The following SLC4A4 variants were observed in gnomAD, a reference collection of about 807,000 sequenced individuals.
SLC4A4 encodes the protein electrogenic sodium bicarbonate cotransporter 1.
Under a neutral mutation model 111.5 loss-of-function variants are expected in SLC4A4, and 27 were observed. The observed-to-expected ratio is 0.24, with a 90% CI of 0.18 to 0.33. SLC4A4 has a LOEUF of 0.33. SLC4A4 is among the 10% of genes least tolerant of loss of function. The probability of loss-of-function intolerance (pLI) is 1.00; values close to 1 mark genes in which losing one functional copy is unlikely to be tolerated. For synonymous variants in SLC4A4, 443 were observed against 463.4 expected (o/e 0.96, Z 0.57); for missense variants, 909 against 1,315.5 (o/e 0.69, Z 4.78).
At chr4:71,349,109 C>T (rs1309834887) in intron 4 of SLC4A4, among the ~76,000 whole-genome samples, 1 of 152,036 alleles carries the variant, frequency 6.6e-6, no homozygotes, top group Non-Finnish European at 1.5e-5. Context: ...GCTCTCATTT[C>T]CATTAAGGTT....
Position 71,555,658 on chromosome 4 carries a change from AG to A in SLC4A4, c.2763+451del, listed in dbSNP as rs1736405118. ...AATCAAAAGTTTTTTTACCAATAAA[AG>A]AATAAAGTCAATGTGGTTGATGTAT... is the stretch of plus-strand genomic sequence containing the variant. On this transcript the variant is annotated intron_variant, in intron 21 of 25. Transcript: ENST00000264485. Among the ~76,000 whole-genome samples, 3 of 151,970 alleles carry A rather than the reference AG, an allele frequency of 2.0e-5. No homozygotes were observed. In the South Asian group the frequency reaches 6.2e-4, roughly 31 times the overall value.
intron 16 of SLC4A4, among the ~76,000 whole-genome samples, chr4:71,507,879 T>A (rs1398385690): frequency 1.3e-5 from 2 of 152,138 alleles, no homozygotes; most frequent in African/African-American, 4.8e-5. Context: ...AGAACTGAAA[T>A]CATAACAGTC....
chr4:71,492,383 C>A (rs9997927), intron 15 of SLC4A4, among the ~76,000 whole-genome samples: 84,650 of 151,606 alleles, frequency 0.56, 26,292 homozygotes, highest in Non-Finnish European at 0.71. Flanking sequence ...GAACTGCGAG[C>A]AGATCCACTC....
intron 2 of SLC4A4, among the ~76,000 whole-genome samples, chr4:71,172,635 G>C (rs979610147): frequency 6.6e-6 from 1 of 152,244 alleles, no homozygotes; most frequent in Admixed American, 6.5e-5. Flanking sequence ...TGAATGAAAA[G>C]AGATATGTTG....
At chr4:71,118,851 G>C (rs577663972) in intron 2 of SLC4A4, among the ~76,000 whole-genome samples, 3 of 152,288 alleles carry the variant, frequency 2.0e-5, no homozygotes, top group African/African-American at 4.8e-5. Flanking sequence ...TTGTTACAGG[G>C]AAATAGACCA....
At chr4:71,139,959 T>C (rs1195359054) in intron 2 of SLC4A4, among the ~76,000 whole-genome samples, 1 of 151,918 alleles carries the variant, frequency 6.6e-6, no homozygotes, top group Non-Finnish European at 1.5e-5. Context: ...TCTATCTAAC[T>C]GTATATTTGT....
chr4:71,428,986 T>C (rs1382466030), intron 7 of SLC4A4, among the ~76,000 whole-genome samples: 1 of 152,118 alleles, frequency 6.6e-6, no homozygotes, highest in Non-Finnish European at 1.5e-5. Flanking sequence ...GTATTCCTGG[T>C]TATAAATAAC....
chr4:71,451,658 A>G (rs1466538069), intron 11 of SLC4A4, among the ~76,000 whole-genome samples: 1 of 152,102 alleles, frequency 6.6e-6, no homozygotes, highest in Non-Finnish European at 1.5e-5. Context: ...ACATTTGAAG[A>G]AAGTGCTACA....
chr4:71,167,585 T>C (rs1469142227), intron 2 of SLC4A4, among the ~76,000 whole-genome samples: 3 of 152,192 alleles, frequency 2.0e-5, no homozygotes, highest in Non-Finnish European at 4.4e-5. Flanking sequence ...ATCAGGAGAA[T>C]GTAAGTGTTA....
chr4:71,345,373 G>T (rs1729235908), intron 4 of SLC4A4, among the ~76,000 whole-genome samples: 1 of 151,958 alleles, frequency 6.6e-6, no homozygotes, highest in South Asian at 2.1e-4. Context: ...ATGATTATTA[G>T]CTGTCAGTTT....
chr4:71,284,649 T>A (rs1203480949), intron 3 of SLC4A4, among the ~76,000 whole-genome samples: 1 of 152,262 alleles, frequency 6.6e-6, no homozygotes, highest in East Asian at 1.9e-4. Context: ...AGTATATTAC[T>A]TCTTCAAGGT....
intron 2 of SLC4A4, among the ~76,000 whole-genome samples, chr4:71,131,877 C>T (rs1377189284): frequency 6.6e-6 from 1 of 152,124 alleles, no homozygotes; most frequent in Non-Finnish European, 1.5e-5. Flanking sequence ...CATCTGTATC[C>T]ATCTCCCACT....
intron 18 of SLC4A4, among the ~76,000 whole-genome samples, chr4:71,541,740 G>A (rs569869956): frequency 6.1e-4 from 92 of 151,920 alleles, no homozygotes; most frequent in Non-Finnish European, 8.4e-4. Flanking sequence ...GTGGGTGGGG[G>A]GAGCTGAGTG....
chr4:71,108,050 C>A (rs531610308), intron 2 of SLC4A4, among the ~76,000 whole-genome samples: 1 of 152,254 alleles, frequency 6.6e-6, no homozygotes, highest in African/African-American at 2.4e-5. Context: ...ACCCAAAACT[C>A]CTCCTTTGTA....
At chr4:71,363,593 A>G (rs1478054327) in intron 6 of SLC4A4, among the ~76,000 whole-genome samples, 1 of 152,180 alleles carries the variant, frequency 6.6e-6, no homozygotes, top group Non-Finnish European at 1.5e-5. Context: ...GAAGCCGGCC[A>G]TCATGCTTCT....
rs1210782035 is a variant in SLC4A4, at chr4:71,292,833, G to GTT, written c.253+37441_253+37442dup. 2.0e-3 allele frequency among the ~76,000 whole-genome samples: 262 copies of GTT among 133,358 alleles called. 1 individual carries two copies. The highest frequency in any genetic ancestry group is 4.2e-3 in the African/African-American group (139 of 33,206). 87.5% of individuals were successfully genotyped at this position (133,358 alleles called of 152,430 possible). A position where few individuals can be genotyped will look rare whatever the true frequency, so the allele number is the denominator to read the frequency against. On this transcript the variant is annotated intron_variant, in intron 3 of 25. Transcript: ENST00000264485. The stretch of plus-strand genomic sequence containing the variant: ...ATAGTGTGAGTATGTCTTACTTTTG[G>GTT]TTTTTTTTGTTTTTTTTTTTTTTTT...
chr4:71,130,254 A>G (rs1333913865), intron 2 of SLC4A4, among the ~76,000 whole-genome samples: 1 of 151,780 alleles, frequency 6.6e-6, no homozygotes, highest in Non-Finnish European at 1.5e-5. Flanking sequence ...TTAAGAGATG[A>G]GATCTTGCGC....
At chr4:71,549,520 T>A (rs915579576) in intron 20 of SLC4A4, among the ~76,000 whole-genome samples, 8 of 151,890 alleles carry the variant, frequency 5.3e-5, no homozygotes, top group Non-Finnish European at 8.8e-5. Flanking sequence ...ATGGGCAGAA[T>A]CTTTTCATCA....
chr4:71,091,517 T>C (rs774189298), intron 1 of SLC4A4, among the ~76,000 whole-genome samples: 4 of 150,330 alleles, frequency 2.7e-5, no homozygotes, highest in Non-Finnish European at 4.4e-5. Flanking sequence ...CCTCCCAAAG[T>C]GCTGGGATTA....
Sources: gnomAD v4.1 joint callset for allele counts (sites outside exome capture counted in the v4.1 genomes callset) on GRCh38, gnomAD v4.1.1 for gene constraint, MANE v1.5 for transcripts, NCBI Gene and HGNC (gene_info 2026-07-23, HGNC 2026-07-21) for gene names.